CLUL1: variants seen among roughly 807,000 people sequenced by gnomAD.
CLUL1 encodes clusterin-like protein 1.
In CLUL1, 43 loss-of-function variants were observed where a neutral mutation model predicts 49.4. That is an observed-to-expected ratio of 0.87 (90% CI 0.68 to 1.12). CLUL1 has a LOEUF of 1.12. Among genes scored for constraint, CLUL1 ranks in the 50% most tolerant of loss-of-function variants. The pLI is 0.00. For synonymous variants in CLUL1, 192 were observed against 184.9 expected (o/e 1.04, Z -0.31); for missense variants, 486 against 544.4 (o/e 0.89, Z 1.07).
chr18:633,848 TGTAATCGGAATGAATCAGG>T (rs1164117271), intron 7 of CLUL1, among the ~76,000 whole-genome samples: 4 of 103,428 alleles, frequency 3.9e-5, no homozygotes, highest in African/African-American at 2.2e-4. Flanking sequence ...GGGCGGAGCG[TGTAATCGGAATGAATCAGG>T]GTGGAGCGTG....
intron 5 of CLUL1, among the ~76,000 whole-genome samples, chr18:626,258 G>A (rs1397491052): frequency 6.6e-5 from 10 of 152,076 alleles, no homozygotes; most frequent in South Asian, 2.1e-4. Context: ...GATTACAGGC[G>A]CCCACCACCA....
chr18:614,187 A>AT (rs1015551174), intron 2 of CLUL1, among the ~76,000 whole-genome samples: 1 of 152,110 alleles, frequency 6.6e-6, no homozygotes, highest in Admixed American at 6.5e-5. Context: ...AAAGGAGGAA[A>AT]TTTTTAATTG....
At chr18:626,808 C>T (rs1330566162) in intron 5 of CLUL1, among the ~76,000 whole-genome samples, 15 of 145,862 alleles carry the variant, frequency 1.0e-4, no homozygotes, top group African/African-American at 3.8e-4. Flanking sequence ...TTGCAGTGAG[C>T]CGAGATGGTG....
rs1419346155 is a variant in CLUL1, at chr18:606,176, T to C, written c.-135-802T>C. Among the ~76,000 whole-genome samples the C allele has an allele frequency of 6.6e-6, 1 of 152,100 alleles. No homozygotes were observed. Among genetic ancestry groups the C allele is most frequent in the Non-Finnish European group, 1.5e-5 (1 of 68,018 alleles). ...TTTAGCGCCTCTGGCTGGGAACGGCTTCCCCATGCTCCTAGGTCAGGGTCC... is the reference window on the plus strand; with the variant it reads ...TTTAGCGCCTCTGGCTGGGAACGGCCTCCCCATGCTCCTAGGTCAGGGTCC... On this transcript the variant is annotated intron_variant, in intron 1 of 9. Coordinates refer to ENST00000692774, the MANE Select transcript of CLUL1 (RefSeq NM_001393344.1). The surrounding 1 kb of genome is among the most constrained non-coding windows in gnomAD (Gnocchi z 4.1).
intron 9 of CLUL1, among the ~76,000 whole-genome samples, chr18:647,649 G>T (rs1466535514): frequency 2.0e-5 from 3 of 152,192 alleles, no homozygotes; most frequent in African/African-American, 7.2e-5. Context: ...TCTAGACCAG[G>T]AGAGAGGAGA....
chr18:637,868 G>A (rs1224279444), intron 7 of CLUL1, among the ~76,000 whole-genome samples: 1 of 152,084 alleles, frequency 6.6e-6, no homozygotes, highest in African/African-American at 2.4e-5. Context: ...CAGCTACTCA[G>A]GAGGCTGAGG....
intron 1 of CLUL1, among the ~76,000 whole-genome samples, chr18:601,645 C>CA (rs34502741): frequency 0.21 from 28,694 of 138,518 alleles, 3,038 homozygotes; most frequent in Middle Eastern, 0.33. Flanking sequence ...GACTCCATCT[C>CA]AAAAAAAAAA....
At position 618,301 on chromosome 18, in the gene CLUL1, G is replaced by A. The variant is rs1788779079; in HGVS notation, c.106+195G>A. 6.6e-6 allele frequency among the ~76,000 whole-genome samples: 1 copy of A among 152,188 alleles called. No homozygotes were observed. Among genetic ancestry groups the A allele is most frequent in the South Asian group, 2.1e-4 (1 of 4,824 alleles). ...GAAAATTCCAATCACGTCTCTGCAGGCGTTCACCTTTCCAGATGTTTGTAT... is the reference window on the plus strand; with the variant it reads ...GAAAATTCCAATCACGTCTCTGCAGACGTTCACCTTTCCAGATGTTTGTAT... On this transcript the variant is annotated intron_variant, in intron 3 of 9. Transcript: ENST00000692774. The surrounding 1 kb of genome is among the most constrained non-coding windows in gnomAD (Gnocchi z 4.2).
chr18:644,957 AATG>A lies in CLUL1; in HGVS notation c.1262_1264del (p.Met421del). The A allele has an allele frequency of 6.2e-7, 1 of 1,613,558 alleles. No homozygotes were observed. The highest frequency in any genetic ancestry group is 2.2e-5 in the East Asian group (1 of 44,846). ...GAAATATTTCCAAACAAGATGAAACAATGATGACAGACTTAAGCATTCTGCCTT... is the reference window on the plus strand; with the variant it reads ...GAAATATTTCCAAACAAGATGAAACAATGACAGACTTAAGCATTCTGCCTT... On this transcript the variant is annotated inframe_deletion, in exon 9 of 10. Coordinates refer to ENST00000692774, the MANE Select transcript of CLUL1 (RefSeq NM_001393344.1).
chr18:648,535 G>T (rs1374488699), intron 9 of CLUL1, among the ~76,000 whole-genome samples: 1 of 151,892 alleles, frequency 6.6e-6, no homozygotes, highest in Admixed American at 6.6e-5. Flanking sequence ...TAGATTCCAA[G>T]AAATAGAATT....
intron 7 of CLUL1, among the ~76,000 whole-genome samples, chr18:637,039 G>T (rs13381310): frequency 0.11 from 16,265 of 149,968 alleles, 1,093 homozygotes; most frequent in African/African-American, 0.18. Flanking sequence ...CAGGCTGGAG[G>T]GCAGTGGCAC....
chr18:641,355 A>G lies in CLUL1; in HGVS notation c.1023A>G (p.Thr341=). 2 of 1,614,218 alleles carry G rather than the reference A, an allele frequency of 1.2e-6. No individual in the cohort carries two copies. The highest frequency in any genetic ancestry group is 1.7e-6 in the Non-Finnish European group (2 of 1,180,040). The stretch of plus-strand genomic sequence containing the variant: ...GTCCTGATGTACCTGCTCTGCACAC[A>G]GAATTAGACGAGGCGATCAGGTTGG... ...EDCPDVPALH[T]ELDEAIRLVN... is the part of the protein sequence containing the mutation. Residue 341 remains threonine, a synonymous_variant, in exon 8 of 10, where the codon ACA becomes ACG. Transcript: ENST00000692774.
At chr18:605,593 G>C (rs929155777) in intron 1 of CLUL1, among the ~76,000 whole-genome samples, 4 of 152,034 alleles carry the variant, frequency 2.6e-5, no homozygotes, top group Non-Finnish European at 4.4e-5. Context: ...AAAAGAAAAT[G>C]ATAAAGGATA....
chr18:609,657 C>A (rs901421115), intron 2 of CLUL1, among the ~76,000 whole-genome samples: 1 of 152,056 alleles, frequency 6.6e-6, no homozygotes. Flanking sequence ...AACCCTGTCT[C>A]TACTAAAAAT....
chr18:633,081 C>T (rs28499123), intron 6 of CLUL1, among the ~76,000 whole-genome samples: 17,819 of 152,040 alleles, frequency 0.12, 1,267 homozygotes, highest in East Asian at 0.28. Flanking sequence ...CACTTGAACC[C>T]GGGAGGCAGA....
intron 4 of CLUL1, among the ~76,000 whole-genome samples, chr18:621,113 AATT>A (rs1295068845): frequency 3.3e-5 from 5 of 152,210 alleles, no homozygotes; most frequent in African/African-American, 9.6e-5. Context: ...CAATCTCCAG[AATT>A]ATTTTCATCT....
At chr18:649,704 T>C in intron 9 of CLUL1, 194 bp from the exon 10 acceptor site, 1 of 503,148 alleles carries the variant, frequency 2.0e-6, no homozygotes, top group Admixed American at 3.7e-5. Context: ...CTGTGACGAT[T>C]TCTTCAAATT....
chr18:600,425 ATTTT>A (rs1555629679), intron 1 of CLUL1, among the ~76,000 whole-genome samples: 25 of 152,264 alleles, frequency 1.6e-4, no homozygotes, highest in Non-Finnish European at 3.5e-4. Context: ...GTTCTCAACC[ATTTT>A]CTCGCTTAGC....
chr18:644,721 G>T (rs779324828), intron 8 of CLUL1, among the ~76,000 whole-genome samples, 189 bp from the exon 9 acceptor site: 1 of 152,222 alleles, frequency 6.6e-6, no homozygotes, highest in Non-Finnish European at 1.5e-5. Context: ...GTTTACTGGT[G>T]TGGAGCCCTT....
Sources: allele counts gnomAD v4.1 joint callset (sites outside exome capture counted in the v4.1 genomes callset), GRCh38; gene constraint gnomAD v4.1.1; non-coding constraint Gnocchi (gnomAD v3.1); transcripts MANE v1.5; gene names NCBI Gene and HGNC (gene_info 2026-07-23, HGNC 2026-07-21).